Variants in RYR2 observed in about 807,000 individuals in gnomAD.
The protein encoded by RYR2 is cardiac muscle ryanodine receptor-calcium release channel.
A neutral mutation model predicts 601.1 loss-of-function variants in RYR2; 227 were observed. That is an observed-to-expected ratio of 0.38 (90% confidence interval 0.34 to 0.42). RYR2 has a LOEUF of 0.42. Ranked by LOEUF, RYR2 falls within the 10% of genes least tolerant of loss-of-function variation. The probability of loss-of-function intolerance (pLI) is 1.00; values close to 1 mark genes in which losing one functional copy is unlikely to be tolerated. For missense variants in RYR2, 4,646 were observed against 6,156.5 expected, an observed-to-expected ratio of 0.75 and a Z score of 8.21; for synonymous variants, 2,223 against 2,175.1, an observed-to-expected ratio of 1.02 and a Z score of -0.61.
intron 1 of RYR2, among the ~76,000 whole-genome samples, chr1:237,205,325 G>A (rs1681686280): frequency 6.6e-6 from 1 of 152,140 alleles, no homozygotes. Context: ...TAGAGCCCTT[G>A]GGAGCCATGG....
At chr1:237,066,582 T>TA (rs1663644137) in intron 1 of RYR2, among the ~76,000 whole-genome samples, 1 of 151,378 alleles carries the variant, frequency 6.6e-6, no homozygotes, top group Admixed American at 6.6e-5. Context: ...AATTTGCTTT[T>TA]CCCTAATGGT....
At chr1:237,370,914 C>T (rs562456724) in intron 6 of RYR2, among the ~76,000 whole-genome samples, 1 of 152,288 alleles carries the variant, frequency 6.6e-6, no homozygotes, top group African/African-American at 2.4e-5. Flanking sequence ...CCTGCCTCGG[C>T]CTTCCGGAGT....
Position 237,787,360 on chromosome 1 carries a change from C to A in RYR2, c.13329-628C>A, listed in dbSNP as rs539991082. Among the ~76,000 whole-genome samples, 10 of 151,888 alleles carry A rather than the reference C, an allele frequency of 6.6e-5. No individual in the cohort carries two copies. The East Asian group carries it at 1.7e-3, about 27-fold the overall frequency. ...ATCCCAGCACTTTGGGAGGCCGAGGCGGGCGGATCATAAGGTCAGGAGTTC... is the reference window on the plus strand; with the variant it reads ...ATCCCAGCACTTTGGGAGGCCGAGGAGGGCGGATCATAAGGTCAGGAGTTC... On this transcript the variant is annotated intron_variant, in intron 91 of 104. Coordinates refer to ENST00000366574, the MANE Select transcript of RYR2 (RefSeq NM_001035.3).
intron 10 of RYR2, among the ~76,000 whole-genome samples, chr1:237,412,960 A>C (rs1011725539): frequency 7.2e-5 from 11 of 152,148 alleles, no homozygotes; most frequent in Non-Finnish European, 1.6e-4. Flanking sequence ...TTGCAGGGAA[A>C]AGGGACAATC....
chr1:237,524,333 C>T (rs570044193), intron 24 of RYR2, among the ~76,000 whole-genome samples: 1 of 152,242 alleles, frequency 6.6e-6, no homozygotes, highest in African/African-American at 2.4e-5. Context: ...TAATTCTATT[C>T]CTATGAAATG....
intron 1 of RYR2, among the ~76,000 whole-genome samples, chr1:237,169,580 G>A (rs781271884): frequency 2.0e-5 from 3 of 152,058 alleles, no homozygotes; most frequent in East Asian, 3.9e-4. Context: ...GTGAGCCACC[G>A]TGCCCTGCCA....
intron 1 of RYR2, among the ~76,000 whole-genome samples, chr1:237,232,673 C>T (rs1685122990): frequency 6.6e-6 from 1 of 152,150 alleles, no homozygotes; most frequent in South Asian, 2.1e-4. Flanking sequence ...TACGTCTGGA[C>T]TGGTTACCAG....
At chr1:237,571,792 A>G (rs1290181262) in intron 29 of RYR2, among the ~76,000 whole-genome samples, 2 of 152,170 alleles carry the variant, frequency 1.3e-5, no homozygotes, top group Non-Finnish European at 2.9e-5. Context: ...CTCAATATCT[A>G]TGTTTAAAAT....
chr1:237,091,079 A>G (rs1190721305), intron 1 of RYR2, among the ~76,000 whole-genome samples: 1 of 152,220 alleles, frequency 6.6e-6, no homozygotes, highest in East Asian at 1.9e-4. Context: ...GAGTGTTACT[A>G]TTCTGGAGGA....
intron 1 of RYR2, among the ~76,000 whole-genome samples, chr1:237,247,510 T>C (rs1686978190): frequency 6.6e-6 from 1 of 152,176 alleles, no homozygotes; most frequent in South Asian, 2.1e-4. Flanking sequence ...ACCTGAAAGG[T>C]GCTGGTGGGT....
Position 237,707,127 on chromosome 1 carries a change from A to G in RYR2, c.9759A>G (p.Gly3253=). 1 of 1,613,864 alleles carries G rather than the reference A, an allele frequency of 6.2e-7. No homozygotes were observed. Among genetic ancestry groups the G allele is most frequent in the Non-Finnish European group, 8.5e-7 (1 of 1,179,866 alleles). The change falls in exon 68 of 105, where the codon GGA becomes GGG. Residue 3253 remains glycine (G), a synonymous_variant. Transcript: ENST00000366574. Reference sequence around the variant, plus strand: ...ACATGTCTCGTTGGTGGGAGCATGGACCTGAGAACAATCCAGAACGGGCCG... The same window carrying G: ...ACATGTCTCGTTGGTGGGAGCATGGGCCTGAGAACAATCCAGAACGGGCCG... ...CSYMSRWWEH[G]PENNPERAEM... is the part of the protein sequence containing the mutation.
rs958921651 is a variant in RYR2 at position 237,343,222 on chromosome 1, C to CA, written c.273+12251dup. ...TGGGTGACAGAGCGAGATGCTGTCTCAAAAAAAAAAAGCATCCCAAATCTC... is the reference window on the plus strand; with the variant it reads ...TGGGTGACAGAGCGAGATGCTGTCTCAAAAAAAAAAAAGCATCCCAAATCTC... On this transcript the variant is annotated intron_variant, in intron 3 of 104. Transcript: ENST00000366574. 9.0e-3 allele frequency among the ~76,000 whole-genome samples: 1,186 copies of CA among 132,124 alleles called. 16 individuals are homozygous for CA. The highest frequency in any genetic ancestry group is 0.031 in the African/African-American group (1,101 of 36,032). The allele number at this position is 132,124 out of a possible 152,430, so 86.7% of individuals were successfully genotyped here. A position where few individuals can be genotyped will look rare whatever the true frequency, so the allele number is the denominator to read the frequency against.
intron 24 of RYR2, among the ~76,000 whole-genome samples, chr1:237,514,539 G>A (rs1040074793): frequency 6.6e-6 from 1 of 152,104 alleles, no homozygotes; most frequent in African/African-American, 2.4e-5. Flanking sequence ...AATTGAATTA[G>A]GGGAAAACAT....
Position 237,638,387 on chromosome 1 carries a change from C to T in RYR2, c.6823C>T (p.Gln2275Ter), listed in dbSNP as rs1681096238. Residue 2275 changes from glutamine (Q) to a stop codon, truncating the protein, a stop_gained, in exon 45 of 105, where the codon CAA (glutamine) becomes TAA (stop). Transcript: ENST00000366574. LOFTEE classifies it high-confidence loss of function. ...VVRYLAGCGL[Q>*]SCQMLVSKGY... ...TCGTTATTTGGCTGGTTGTGGACTGCAAAGTTGCCAGATGCTGGTGTCTAA... is the reference window on the plus strand; with the variant it reads ...TCGTTATTTGGCTGGTTGTGGACTGTAAAGTTGCCAGATGCTGGTGTCTAA... 1 of 1,613,948 alleles carries T rather than the reference C, an allele frequency of 6.2e-7. No homozygotes were observed. The highest frequency in any genetic ancestry group is 8.5e-7 in the Non-Finnish European group (1 of 1,179,856).
chr1:237,104,830 C>T lies in RYR2; in HGVS notation c.48+62261C>T, dbSNP rs113798282. Among the ~76,000 whole-genome samples, 95 of 152,318 alleles carry T rather than the reference C, an allele frequency of 6.2e-4. 2 individuals carry two copies. Among genetic ancestry groups the T allele is most frequent in the African/African-American group, 2.1e-3 (89 of 41,566 alleles). ...CGAGTTTGCAAGCACAGTGCCTGTGCGTGGCAGGCCCTCTGTACCTGTTGA... is the reference window on the plus strand; with the variant it reads ...CGAGTTTGCAAGCACAGTGCCTGTGTGTGGCAGGCCCTCTGTACCTGTTGA... On this transcript the variant is annotated intron_variant, in intron 1 of 104. Transcript: ENST00000366574.
intron 1 of RYR2, among the ~76,000 whole-genome samples, chr1:237,184,779 T>A (rs1384841158): frequency 2.6e-5 from 4 of 152,198 alleles, no homozygotes; most frequent in Non-Finnish European, 4.4e-5. Context: ...TAAATTTTTT[T>A]AATTAAAAGT....
chr1:237,315,538 C>T (rs962890265), intron 2 of RYR2, among the ~76,000 whole-genome samples: 1 of 152,024 alleles, frequency 6.6e-6, no homozygotes, highest in Admixed American at 6.6e-5. Flanking sequence ...TGTCCTTTCA[C>T]AAAAATTAGG....
chr1:237,471,478 A>G lies in RYR2; in HGVS notation c.1708+2291A>G, dbSNP rs73108498. ...GATAAATGTTTAGGGCCAAGTGTCC[A>G]GAATCACTGGAAAGCTACAGAAGAC... On this transcript the variant is annotated intron_variant, in intron 17 of 104. Coordinates refer to ENST00000366574, the MANE Select transcript of RYR2 (RefSeq NM_001035.3). 8.7e-3 allele frequency among the ~76,000 whole-genome samples: 1,319 copies of G among 152,368 alleles called. 26 individuals are homozygous for G. The East Asian group carries it at 0.095, about 11-fold the overall frequency.
At chr1:237,403,271 C>T (rs949398698) in intron 10 of RYR2, among the ~76,000 whole-genome samples, 15 of 151,964 alleles carry the variant, frequency 9.9e-5, no homozygotes, top group African/African-American at 3.6e-4. Flanking sequence ...AAATGAAACT[C>T]GAAAAGCAAA....
Sources: allele counts gnomAD v4.1 joint callset (sites outside exome capture counted in the v4.1 genomes callset), GRCh38; gene constraint gnomAD v4.1.1; transcripts MANE v1.5; gene names NCBI Gene and HGNC (gene_info 2026-07-23, HGNC 2026-07-21).